The following ACER2 variants were observed in gnomAD, a reference collection of about 807,000 sequenced individuals.
ACER2 encodes the protein alkaline ceramidase 2.
Under a neutral mutation model 34.7 loss-of-function variants are expected in ACER2, and 26 were observed. The ratio of observed to expected loss-of-function variants is 0.75; its 90% CI spans 0.55 to 1.04. The LOEUF (loss-of-function observed/expected upper bound fraction) is 1.04, where lower values mean the gene tolerates loss of function less well. Among genes scored for constraint, ACER2 ranks in the 50% least tolerant of loss-of-function variants. The pLI is 0.00. For synonymous variants in ACER2, 138 were observed against 132.1 expected (o/e 1.04, Z -0.31); for missense variants, 352 against 340.8 (o/e 1.03, Z -0.26).
intron 4 of ACER2, among the ~76,000 whole-genome samples, chr9:19,441,103 A>G (rs1304195746): frequency 1.4e-5 from 2 of 145,182 alleles, no homozygotes; most frequent in Non-Finnish European, 3.0e-5. Flanking sequence ...GCTGGAGTGC[A>G]GTGGCATGAT....
chr9:19,425,875 C>T (rs935190067), intron 3 of ACER2, among the ~76,000 whole-genome samples: 3 of 152,064 alleles, frequency 2.0e-5, no homozygotes, highest in Non-Finnish European at 4.4e-5. Context: ...GGTATGTGCC[C>T]ATGGAAGAGT....
At chr9:19,448,909 G>A (rs1279363308) in intron 5 of ACER2, among the ~76,000 whole-genome samples, 1 of 152,160 alleles carries the variant, frequency 6.6e-6, no homozygotes, top group Non-Finnish European at 1.5e-5. Context: ...GGGAGGCCGA[G>A]GCAGGTGGAT....
chr9:19,433,607 C>T (rs1268109317), intron 3 of ACER2, among the ~76,000 whole-genome samples: 1 of 152,280 alleles, frequency 6.6e-6, no homozygotes, highest in East Asian at 1.9e-4. Context: ...CCCCACCTTT[C>T]CTCCCTTTCT....
chr9:19,435,161 C>A, intron 4 of ACER2, 77 bp downstream of exon 4: 1 of 1,531,142 alleles, frequency 6.5e-7, no homozygotes, highest in Non-Finnish European at 8.9e-7. Flanking sequence ...CTTTGCTGTC[C>A]TGTAGCAGAA....
intron 1 of ACER2, among the ~76,000 whole-genome samples, chr9:19,422,755 G>T (rs1830442814): frequency 6.6e-6 from 1 of 151,928 alleles, no homozygotes; most frequent in Admixed American, 6.6e-5. Flanking sequence ...AAGCAGGCGG[G>T]CGCAGTGGCT....
At position 19,409,313 on chromosome 9, in the gene ACER2, C is replaced by T. The variant is rs1310590946; in HGVS notation, c.108+121C>T. 5.4e-6 allele frequency: 5 copies of T among 926,856 alleles called. No homozygotes were observed. In the East Asian group the frequency reaches 1.3e-4, roughly 25 times the overall value. 57.4% of individuals were successfully genotyped at this position (926,856 alleles called of 1,614,324 possible). ...CATCTGGGGGCATTCTCTCCAGGGG[C>T]TGAGTCAGTCCACACCCCCTCCTCG... is the stretch of plus-strand genomic sequence containing the variant. On this transcript the variant is annotated intron_variant, in intron 1 of 5. Transcript: ENST00000340967.
chr9:19,429,368 G>GT (rs2132490733), intron 3 of ACER2, among the ~76,000 whole-genome samples: 1 of 152,244 alleles, frequency 6.6e-6, no homozygotes, highest in East Asian at 1.9e-4. Flanking sequence ...ATCTCACTCT[G>GT]TTGCCCAGGC....
chr9:19,410,943 A>T (rs979763578), intron 1 of ACER2, among the ~76,000 whole-genome samples: 1 of 152,214 alleles, frequency 6.6e-6, no homozygotes, highest in African/African-American at 2.4e-5. Context: ...CAAGAAGAAA[A>T]GACAGCTTGA....
At chr9:19,424,066 T>C (rs1033033963) in intron 2 of ACER2, 90 bp downstream of exon 2, 4 of 1,160,578 alleles carry the variant, frequency 3.4e-6, no homozygotes, top group Non-Finnish European at 5.1e-6. Flanking sequence ...CCTTTGAACA[T>C]AATGTTTTGT....
At position 19,450,988 on chromosome 9, in the gene ACER2, G is replaced by T. The variant is rs1345272517; in HGVS notation, c.*352G>T. The T allele has an allele frequency of 6.1e-6, 1 of 165,230 alleles. No individual in the cohort carries two copies. The highest frequency in any genetic ancestry group is 2.4e-5 in the African/African-American group (1 of 41,910). The allele number at this position is 165,230 out of a possible 1,614,324, so 10.2% of individuals were successfully genotyped here. A position where few individuals can be genotyped will look rare whatever the true frequency, so the allele number is the denominator to read the frequency against. On this transcript the variant is annotated 3_prime_UTR_variant, in exon 6 of 6. Transcript: ENST00000340967. ...AAGGTCCCCTCCTCCTCCCTAATGTGTCTGTGGACCACCTGGATTCCACTG... is the reference window on the plus strand; with the variant it reads ...AAGGTCCCCTCCTCCTCCCTAATGTTTCTGTGGACCACCTGGATTCCACTG...
chr9:19,413,586 CA>C (rs1430788842), intron 1 of ACER2, among the ~76,000 whole-genome samples: 2 of 140,374 alleles, frequency 1.4e-5, no homozygotes, highest in African/African-American at 5.4e-5. Flanking sequence ...GGTGACAGAG[CA>C]AGATTCCATC....
intron 3 of ACER2, among the ~76,000 whole-genome samples, chr9:19,433,028 C>T (rs1830808520): frequency 6.6e-6 from 1 of 151,868 alleles, no homozygotes; most frequent in African/African-American, 2.4e-5. Context: ...ATCTCACCTT[C>T]AGTGAAGTAG....
chr9:19,428,776 GTTTTTTTTTTTTT>G (rs10569579), intron 3 of ACER2, among the ~76,000 whole-genome samples: 27 of 77,892 alleles, frequency 3.5e-4, no homozygotes, highest in African/African-American at 8.1e-4. Context: ...GGACAAGTGG[GTTTTTTTTTTTTT>G]TTTTTTTTTT....
At chr9:19,421,375 G>A (rs183564147) in intron 1 of ACER2, among the ~76,000 whole-genome samples, 1 of 152,252 alleles carries the variant, frequency 6.6e-6, no homozygotes, top group Admixed American at 6.5e-5. Context: ...AATAAATGTA[G>A]TATATCCTTT....
intron 5 of ACER2, chr9:19,446,764 T>A: frequency 1.9e-6 from 1 of 529,464 alleles, no homozygotes; most frequent in Non-Finnish European, 2.4e-6. Flanking sequence ...AGGGGAAAGC[T>A]GGGGAAAGAG....
chr9:19,441,231 A>G (rs1206830174), intron 4 of ACER2, among the ~76,000 whole-genome samples: 1 of 151,652 alleles, frequency 6.6e-6, no homozygotes, highest in Non-Finnish European at 1.5e-5. Context: ...TCGTATTTTT[A>G]GTAGAGATGG....
At chr9:19,449,911 A>G (rs7873719) in intron 5 of ACER2, among the ~76,000 whole-genome samples, 1 of 147,782 alleles carries the variant, frequency 6.8e-6, no homozygotes, top group Non-Finnish European at 1.5e-5. Flanking sequence ...AAAAAAAAAA[A>G]GGATTACATG....
At chr9:19,435,840 G>C (rs955794837) in intron 4 of ACER2, among the ~76,000 whole-genome samples, 3 of 151,710 alleles carry the variant, frequency 2.0e-5, no homozygotes, top group African/African-American at 7.3e-5. Context: ...ACGAGGTCAG[G>C]AGATGGAGAC....
At chr9:19,414,755 T>C (rs1322139409) in intron 1 of ACER2, among the ~76,000 whole-genome samples, 2 of 151,838 alleles carry the variant, frequency 1.3e-5, no homozygotes. Context: ...ACAATAGGCT[T>C]TAAAATGTAC....
Sources: gnomAD v4.1 joint callset for allele counts (sites outside exome capture counted in the v4.1 genomes callset) on GRCh38, gnomAD v4.1.1 for gene constraint, MANE v1.5 for transcripts, NCBI Gene and HGNC (gene_info 2026-07-23, HGNC 2026-07-21) for gene names.